STUM: variants seen among roughly 807,000 people sequenced by gnomAD.
STUM encodes stum, mechanosensory transduction mediator homolog.
In STUM, 8 loss-of-function variants were observed where a neutral mutation model predicts 15.3. The observed-to-expected ratio is 0.52, with a 90% CI of 0.31 to 0.94. STUM has a LOEUF of 0.94. Ranked by LOEUF, STUM falls within the 40% of genes least tolerant of loss-of-function variation. The pLI is 0.05. For missense variants in STUM, 142 were observed against 204.9 expected (o/e 0.69, Z 1.87); for synonymous variants, 78 against 88.7 (o/e 0.88, Z 0.68).
In STUM at chr1:226,572,813, G is replaced by A. The variant is rs544849766; in HGVS notation, c.202+23707G>A. On this transcript the variant is annotated intron_variant, in intron 1 of 3. Transcript: ENST00000366788. Reference sequence around the variant, plus strand: ...CAGGAATGGCTTCCTTCTGTTTCACGGGACCAGGCTCATGAAAAGTTAGAG... The same window carrying A: ...CAGGAATGGCTTCCTTCTGTTTCACAGGACCAGGCTCATGAAAAGTTAGAG... 8.1e-4 allele frequency among the ~76,000 whole-genome samples: 124 copies of A among 152,310 alleles called. 1 individual carries two copies. Among genetic ancestry groups the A allele is most frequent in the African/African-American group, 2.9e-3 (119 of 41,568 alleles).
chr1:226,571,216 G>A (rs1470260124), intron 1 of STUM, among the ~76,000 whole-genome samples: 2 of 151,740 alleles, frequency 1.3e-5, no homozygotes, highest in African/African-American at 2.4e-5. Context: ...GGGAGACAGC[G>A]TGAATGGGAC....
intron 1 of STUM, among the ~76,000 whole-genome samples, chr1:226,572,737 C>T (rs654318): frequency 6.6e-6 from 1 of 152,144 alleles, no homozygotes; most frequent in Admixed American, 6.5e-5. Flanking sequence ...CCCTCAAGTG[C>T]TCCTGCCATG....
At chr1:226,597,112 G>A (rs1040477984) in intron 2 of STUM, 131 bp downstream of exon 2, 13 of 889,280 alleles carry the variant, frequency 1.5e-5, no homozygotes, top group South Asian at 5.6e-5. Context: ...GGGCTTGCCC[G>A]TGTCCTCTTC....
chr1:226,568,990 A>ACCTTGCTGTGCCCACACACAAGGGGT (rs1305880298), intron 1 of STUM, among the ~76,000 whole-genome samples: 3 of 151,892 alleles, frequency 2.0e-5, no homozygotes, highest in Admixed American at 6.5e-5. Flanking sequence ...ACACAAGGGG[A>ACCTTGCTGTGCCCACACACAAGGGGT]CCTTGCTGTG....
intron 1 of STUM, among the ~76,000 whole-genome samples, chr1:226,590,995 T>C (rs1668075468): frequency 6.6e-6 from 1 of 152,214 alleles, no homozygotes; most frequent in Admixed American, 6.5e-5. Context: ...TGGGCTCCCA[T>C]TCCTAGGACT....
intron 1 of STUM, among the ~76,000 whole-genome samples, chr1:226,583,771 G>T (rs1667952693): frequency 6.6e-6 from 1 of 152,096 alleles, no homozygotes; most frequent in Admixed American, 6.5e-5. Flanking sequence ...TTTGTCAGTT[G>T]TCCTGGCTTG....
chr1:226,552,053 GT>G lies in STUM; in HGVS notation c.202+2952del, dbSNP rs1368575929. Among the ~76,000 whole-genome samples the G allele has an allele frequency of 6.6e-6, 1 of 152,214 alleles. No individual in the cohort carries two copies. The highest frequency in any genetic ancestry group is 1.9e-4 in the East Asian group (1 of 5,200). On this transcript the variant is annotated intron_variant, in intron 1 of 3. Transcript: ENST00000366788. The surrounding 1 kb of genome is among the most constrained non-coding windows in gnomAD (Gnocchi z 4.7). ...GGATTGCAGATTGGATGAGAGGGCAGTTTTTGCTGAATGAAGGCTCGTTTTT... is the reference window on the plus strand; with the variant it reads ...GGATTGCAGATTGGATGAGAGGGCAGTTTTGCTGAATGAAGGCTCGTTTTT...
chr1:226,583,035 G>A (rs756894602), intron 1 of STUM, among the ~76,000 whole-genome samples: 27 of 152,198 alleles, frequency 1.8e-4, no homozygotes, highest in Non-Finnish European at 2.9e-4. Flanking sequence ...GCGGCCATCC[G>A]CATGTGGTGT....
Position 226,600,445 on chromosome 1 carries a change from A to G in STUM, c.383-221A>G, listed in dbSNP as rs1446766896. ...CACCCACACGCCTGGTGGGCAGACC[A>G]CTGGCCACTGTGGCTGTCACCATGA... On this transcript the variant is annotated intron_variant, in intron 2 of 3. Coordinates refer to ENST00000366788, the MANE Select transcript of STUM (RefSeq NM_001003665.4). This position sits in a 1 kb window ranked among gnomAD's most constrained non-coding sequence, Gnocchi z 5.2. 3 of 597,158 alleles carry G rather than the reference A, an allele frequency of 5.0e-6. No individual in the cohort carries two copies. The highest frequency in any genetic ancestry group is 2.8e-5 in the Admixed American group (1 of 36,132). 37.0% of individuals were successfully genotyped at this position (597,158 alleles called of 1,614,324 possible). A position where few individuals can be genotyped will look rare whatever the true frequency, so the allele number is the denominator to read the frequency against.
chr1:226,573,181 G>A lies in STUM; in HGVS notation c.203-23621G>A, dbSNP rs908738915. ...AGCAGATTTTCCAAAGTGGTGCATC[G>A]GTCTGCCATTCCTGACCGGCCCTTT... On this transcript the variant is annotated intron_variant, in intron 1 of 3. Coordinates refer to ENST00000366788, the MANE Select transcript of STUM (RefSeq NM_001003665.4). Among the ~76,000 whole-genome samples, 6 of 152,202 alleles carry A rather than the reference G, an allele frequency of 3.9e-5. No homozygotes were observed. The East Asian group carries it at 7.7e-4, about 20-fold the overall frequency.
intron 1 of STUM, among the ~76,000 whole-genome samples, chr1:226,590,282 C>T (rs12041963): frequency 6.6e-6 from 1 of 152,280 alleles, no homozygotes; most frequent in East Asian, 1.9e-4. Context: ...TCTCTCCAAG[C>T]CCCCTGACCT....
intron 1 of STUM, among the ~76,000 whole-genome samples, chr1:226,569,376 G>A (rs565142986): frequency 6.6e-6 from 1 of 152,192 alleles, no homozygotes; most frequent in African/African-American, 2.4e-5. Context: ...CTGTGACCCA[G>A]CAGGGCCACT....
intron 2 of STUM, among the ~76,000 whole-genome samples, chr1:226,598,155 T>C (rs1558287967): frequency 2.6e-5 from 4 of 152,140 alleles, no homozygotes; most frequent in South Asian, 4.1e-4. Flanking sequence ...GTGAAGAGCA[T>C]GACTGATAGG....
intron 1 of STUM, among the ~76,000 whole-genome samples, chr1:226,595,801 C>G (rs1367012778): frequency 6.6e-6 from 1 of 152,164 alleles, no homozygotes; most frequent in East Asian, 1.9e-4. Flanking sequence ...TAGGTGGCCT[C>G]TAGAAGCTGG....
chr1:226,583,900 G>A (rs750089387), intron 1 of STUM, among the ~76,000 whole-genome samples: 3 of 151,948 alleles, frequency 2.0e-5, no homozygotes, highest in African/African-American at 4.8e-5. Flanking sequence ...AAACATCCTC[G>A]CCCACTTCTT....
intron 1 of STUM, among the ~76,000 whole-genome samples, chr1:226,554,195 C>T (rs1558276578): frequency 6.6e-6 from 1 of 152,192 alleles, no homozygotes; most frequent in East Asian, 1.9e-4. Context: ...AATGGCAGGT[C>T]TCAGATGGGG....
chr1:226,575,621 G>A (rs1383890307), intron 1 of STUM, among the ~76,000 whole-genome samples: 2 of 152,230 alleles, frequency 1.3e-5, no homozygotes, highest in Admixed American at 6.5e-5. Context: ...CCAGGCCAGG[G>A]CAAACATGAA....
At chr1:226,584,006 G>A (rs564649148) in intron 1 of STUM, among the ~76,000 whole-genome samples, 1 of 151,572 alleles carries the variant, frequency 6.6e-6, no homozygotes, top group East Asian at 1.9e-4. Context: ...ATTTAGTGGT[G>A]CGAAAAAAAA....
chr1:226,577,114 T>C (rs958912788), intron 1 of STUM, among the ~76,000 whole-genome samples: 1 of 152,216 alleles, frequency 6.6e-6, no homozygotes. Context: ...AGGTGACTTG[T>C]CCAACATCAC....
Sources: allele counts gnomAD v4.1 joint callset (sites outside exome capture counted in the v4.1 genomes callset), GRCh38; gene constraint gnomAD v4.1.1; non-coding constraint Gnocchi (gnomAD v3.1); transcripts MANE v1.5; gene names NCBI Gene and HGNC (gene_info 2026-07-23, HGNC 2026-07-21).